The following MIA3 variants were observed in gnomAD, a reference collection of about 807,000 sequenced individuals.
MIA3 encodes MIA SH3 domain ER export factor 3.
Under a neutral mutation model 192.4 loss-of-function variants are expected in MIA3, and 90 were observed. The ratio of observed to expected loss-of-function variants is 0.47; its 90% CI spans 0.39 to 0.56. The LOEUF is 0.56. Ranked by LOEUF, MIA3 falls within the 20% of genes least tolerant of loss-of-function variation. The probability of loss-of-function intolerance (pLI) is 0.00; values close to 1 mark genes in which losing one functional copy is unlikely to be tolerated. For missense variants in MIA3, 2,123 were observed against 2,269.4 expected, an observed-to-expected ratio of 0.94 and a Z score of 1.31; for synonymous variants, 740 against 792.8, an observed-to-expected ratio of 0.93 and a Z score of 1.12.
intron 6 of MIA3, among the ~76,000 whole-genome samples, chr1:222,635,021 G>A (rs951497084): frequency 1.3e-5 from 2 of 152,218 alleles, no homozygotes; most frequent in Non-Finnish European, 2.9e-5. Flanking sequence ...CATTTGGATG[G>A]TCAGAGGGCA....
intron 10 of MIA3, 35 bp from the exon 11 acceptor site, chr1:222,650,758 A>G: frequency 1.3e-6 from 2 of 1,564,732 alleles, no homozygotes; most frequent in Non-Finnish European, 1.7e-6. Flanking sequence ...AAGTAAAAGT[A>G]ATGAGTATAA....
chr1:222,626,308 G>A (rs1439949007), intron 3 of MIA3, among the ~76,000 whole-genome samples: 2 of 152,044 alleles, frequency 1.3e-5, no homozygotes, highest in South Asian at 2.1e-4. Flanking sequence ...GAGACTGCCC[G>A]GGATTTGAGT....
chr1:222,654,025 A>T (rs1663575988), intron 15 of MIA3, among the ~76,000 whole-genome samples: 1 of 152,240 alleles, frequency 6.6e-6, no homozygotes, highest in Non-Finnish European at 1.5e-5. Flanking sequence ...TTCTTGCTCA[A>T]TAATGGCATG....
chr1:222,638,643 G>A lies in MIA3; in HGVS notation c.3477+5394G>A, dbSNP rs182297454. ...GCCCAGGAGGTCGAGGCTGCAGTGA[G>A]CAGAGATTGTACCACTGCACTCCAG... On this transcript the variant is annotated intron_variant, in intron 6 of 27. Transcript: ENST00000344922. Among the ~76,000 whole-genome samples the A allele has an allele frequency of 2.0e-5, 3 of 152,234 alleles. No individual in the cohort carries two copies. In the East Asian group the frequency reaches 5.8e-4, roughly 29 times the overall value.
Position 222,665,695 on chromosome 1 carries a change from TTCA to T in MIA3, c.*77_*79del. The T allele has an allele frequency of 8.0e-7, 1 of 1,244,388 alleles. No homozygotes were observed. Among genetic ancestry groups the T allele is most frequent in the Non-Finnish European group, 1.1e-6 (1 of 931,962 alleles). 77.1% of individuals were successfully genotyped at this position (1,244,388 alleles called of 1,614,324 possible). ...CATTACAGTAAAGGATTTCATTGGC[TTCA>T]AAATCCAAAAGTTTATTTTAAAAGG... On this transcript the variant is annotated 3_prime_UTR_variant, in exon 28 of 28. Coordinates refer to ENST00000344922, the MANE Select transcript of MIA3 (RefSeq NM_198551.4).
intron 18 of MIA3, among the ~76,000 whole-genome samples, chr1:222,657,458 C>T (rs1181271096): frequency 1.3e-5 from 2 of 152,176 alleles, no homozygotes; most frequent in Non-Finnish European, 2.9e-5. Flanking sequence ...CTTAAAATGC[C>T]GGGCTTACTT....
Position 222,667,586 on chromosome 1 carries a change from A to AT in MIA3, c.*1969dup, listed in dbSNP as rs1355293619. ...ATTGAGAAACTGGTAAGCTGTAAAGATTCCAGTGTAGCTTCTCTGAGAAGT... is the reference window on the plus strand; with the variant it reads ...ATTGAGAAACTGGTAAGCTGTAAAGATTTCCAGTGTAGCTTCTCTGAGAAGT... On this transcript the variant is annotated 3_prime_UTR_variant, in exon 28 of 28. Coordinates refer to ENST00000344922, the MANE Select transcript of MIA3 (RefSeq NM_198551.4). 27 of 152,298 alleles carry AT rather than the reference A, an allele frequency of 1.8e-4. No individual in the cohort carries two copies. Among genetic ancestry groups the AT allele is most frequent in the Non-Finnish European group, 8.8e-5 (6 of 68,032 alleles). 9.4% of individuals were successfully genotyped at this position (152,298 alleles called of 1,614,324 possible).
In MIA3 at chr1:222,628,908, C is replaced by T. The variant is rs1662254468; in HGVS notation, c.1688C>T (p.Ala563Val). 1 of 1,614,030 alleles carries T rather than the reference C, an allele frequency of 6.2e-7. No individual in the cohort carries two copies. Among genetic ancestry groups the T allele is most frequent in the South Asian group, 1.1e-5 (1 of 91,074 alleles). The part of the protein sequence containing the change: ...GSESESAQKA[A>V]GNQMNDRKIQ... The stretch of plus-strand genomic sequence containing the variant: ...GAGAGTGAATCTGCACAGAAAGCTG[C>T]AGGGAATCAAATGAATGACAGAAAG... Residue 563 changes from alanine (A) to valine (V), a missense_variant, in exon 4 of 28, where the codon GCA becomes GTA. This residue lies in a region of MIA3 where 1,357 missense variants were observed against 1,396.1 expected (regional missense o/e 0.97). Transcript: ENST00000344922.
chr1:222,662,220 A>G, intron 25 of MIA3, 33 bp from the exon 26 acceptor site: 1 of 1,604,200 alleles, frequency 6.2e-7, no homozygotes, highest in African/African-American at 1.3e-5. Context: ...ACAAGTCAGA[A>G]TAAGTCTACA....
intron 6 of MIA3, among the ~76,000 whole-genome samples, chr1:222,639,691 T>C (rs1662771198): frequency 6.6e-6 from 1 of 152,130 alleles, no homozygotes; most frequent in African/African-American, 2.4e-5. Flanking sequence ...TAAAATTGAT[T>C]ACTATGTAAT....
chr1:222,644,630 C>G lies in MIA3; in HGVS notation c.3478-924C>G, dbSNP rs1663045036. 1.9e-6 allele frequency: 3 copies of G among 1,546,638 alleles called. No homozygotes were observed. In the South Asian group the frequency reaches 3.6e-5, roughly 18 times the overall value. The stretch of plus-strand genomic sequence containing the variant: ...GGGGAGGGACCCAAGCTGTCACAGG[C>G]GGGTGGATGAGTTCTAAGCAGAGTG... On this transcript the variant is annotated intron_variant, in intron 6 of 27. Coordinates refer to ENST00000344922, the MANE Select transcript of MIA3 (RefSeq NM_198551.4).
At chr1:222,647,341 G>A (rs1008150613) in intron 7 of MIA3, among the ~76,000 whole-genome samples, 2 of 152,112 alleles carry the variant, frequency 1.3e-5, no homozygotes, top group African/African-American at 2.4e-5. Context: ...TTGTGTAAAT[G>A]AGCTTTGCAG....
In MIA3 at chr1:222,654,671, G is replaced by C. The variant is rs1663617031; in HGVS notation, c.4485G>C (p.Leu1495Phe). 6.2e-7 allele frequency: 1 copy of C among 1,613,926 alleles called. No homozygotes were observed. The highest frequency in any genetic ancestry group is 1.1e-5 in the South Asian group (1 of 91,080). ...CCTTTACAGACCAGGTAAAGAAATT[G>C]GAAGATGACCGCAACTCACTACAAG... is the stretch of plus-strand genomic sequence containing the variant. Reference protein sequence around the residue: ...KCNLEDQVKKLEDDRNSLQAA... With the variant: ...KCNLEDQVKKFEDDRNSLQAA... Residue 1495 changes from leucine (L) to phenylalanine (F), a missense_variant, in exon 18 of 28, where the codon TTG becomes TTC. Physicochemically the swap from Leu to Phe is conservative, Grantham distance 22. Coordinates refer to ENST00000344922, the MANE Select transcript of MIA3 (RefSeq NM_198551.4).
chr1:222,652,837 A>G (rs923260432), intron 13 of MIA3, among the ~76,000 whole-genome samples, 171 bp from the exon 14 acceptor site: 1 of 152,230 alleles, frequency 6.6e-6, no homozygotes, highest in Non-Finnish European at 1.5e-5. Flanking sequence ...TGTTCTCACT[A>G]CAGCTCTGAG....
chr1:222,620,591 T>C (rs1661810948), intron 1 of MIA3, among the ~76,000 whole-genome samples: 1 of 152,242 alleles, frequency 6.6e-6, no homozygotes, highest in Non-Finnish European at 1.5e-5. Context: ...AGGGAACAAC[T>C]TGGCTGCAAA....
intron 6 of MIA3, among the ~76,000 whole-genome samples, chr1:222,645,051 TCA>T (rs1269652584): frequency 6.6e-5 from 10 of 152,156 alleles, no homozygotes; most frequent in African/African-American, 2.4e-4. Flanking sequence ...CCGAACTTAG[TCA>T]GCATTTGTTC....
In MIA3 at chr1:222,628,552, T is replaced by C; in HGVS notation, c.1332T>C (p.Leu444=). ...YSDPDNVDDG[L]FIVDIPKTNN... Reference sequence around the variant, plus strand: ...ACCCTGACAATGTAGATGATGGTCTTTTTATTGTAGACATTCCTAAAACAA... The same window carrying C: ...ACCCTGACAATGTAGATGATGGTCTCTTTATTGTAGACATTCCTAAAACAA... The change falls in exon 4 of 28, where the codon CTT becomes CTC. Residue 444 remains leucine, a synonymous_variant. Transcript: ENST00000344922. The C allele has an allele frequency of 6.2e-7, 1 of 1,614,190 alleles. No individual in the cohort carries two copies. Among genetic ancestry groups the C allele is most frequent in the Non-Finnish European group, 8.5e-7 (1 of 1,180,036 alleles).
At chr1:222,640,029 C>T (rs1662784045) in intron 6 of MIA3, among the ~76,000 whole-genome samples, 2 of 151,964 alleles carry the variant, frequency 1.3e-5, no homozygotes, top group African/African-American at 4.8e-5. Flanking sequence ...CATCTAAAAG[C>T]AATTGTATTT....
Position 222,664,085 on chromosome 1 carries a change from C to A in MIA3, c.5350C>A (p.Arg1784=), listed in dbSNP as rs1267822973. The change falls in exon 27 of 28, where the codon CGA becomes AGA. Residue 1784 remains arginine, a synonymous_variant. Transcript: ENST00000344922. ...PMGGPVPPPI[R]YGPPPQLCGP... ...GGGAGGCCCTGTACCACCACCCATT[C>A]GATATGGACCACCACCTCAGCTCTG... The A allele has an allele frequency of 6.2e-7, 1 of 1,614,174 alleles. No individual in the cohort carries two copies. Among genetic ancestry groups the A allele is most frequent in the East Asian group, 2.2e-5 (1 of 44,886 alleles).
Sources: gnomAD v4.1 joint callset for allele counts (sites outside exome capture counted in the v4.1 genomes callset) on GRCh38, gnomAD v4.1.1 for gene constraint, gnomAD v4.1.1 regional missense constraint, MANE v1.5 for transcripts, NCBI Gene and HGNC (gene_info 2026-07-23, HGNC 2026-07-21) for gene names.